The following HEMK2 variants were observed in gnomAD, a reference collection of about 807,000 sequenced individuals.
HEMK2 encodes the protein HemK methyltransferase 2, ETF1 glutamine and histone H4 lysine.
chr21:28,793,067 C>A, the HEMK2 span, among the ~76,000 whole-genome samples: 52 of 152,322 alleles, frequency 3.4e-4, no homozygotes, highest in Middle Eastern at 3.4e-3. Context: ...GTTCTCCTTG[C>A]ATTTTATTTT....
At chr21:28,879,861 A>G in the HEMK2 span, 1 of 1,539,986 alleles carries the variant, frequency 6.5e-7, no homozygotes. Context: ...ATTTTGTTGT[A>G]TGTTTTACCT....
the HEMK2 span, among the ~76,000 whole-genome samples, chr21:28,636,704 T>G: frequency 0.021 from 3,264 of 152,156 alleles, 123 homozygotes; most frequent in African/African-American, 0.072. Flanking sequence ...ATGAAGAAAA[T>G]AATCTCCTTA....
At chr21:28,603,547 A>ATGTGTGTGTGTGTG in the HEMK2 span, among the ~76,000 whole-genome samples, 3 of 80,770 alleles carry the variant, frequency 3.7e-5, no homozygotes, top group African/African-American at 1.0e-4. Flanking sequence ...CTGAGGATAT[A>ATGTGTGTGTGTGTG]TATGTGTGTG....
chr21:28,730,207 C>T, the HEMK2 span, among the ~76,000 whole-genome samples: 1 of 122,154 alleles, frequency 8.2e-6, no homozygotes, highest in African/African-American at 4.1e-5. Flanking sequence ...GTGAGACCCC[C>T]ATTGCCACAA....
At chr21:28,742,095 A>G in the HEMK2 span, among the ~76,000 whole-genome samples, 6 of 152,306 alleles carry the variant, frequency 3.9e-5, no homozygotes, top group Non-Finnish European at 4.4e-5. Context: ...TTGTTGGAAC[A>G]CAGCCATGCC....
the HEMK2 span, among the ~76,000 whole-genome samples, chr21:28,605,517 C>CT: frequency 9.6e-4 from 146 of 151,464 alleles, no homozygotes; most frequent in African/African-American, 2.8e-3. Context: ...CAAGTTGTGA[C>CT]TTTTTTTTTA....
chr21:28,615,881 T>C, the HEMK2 span, among the ~76,000 whole-genome samples: 1 of 152,148 alleles, frequency 6.6e-6, no homozygotes, highest in Non-Finnish European at 1.5e-5. Context: ...ATCTCCAGAG[T>C]GGGGTAGATA....
At chr21:28,749,611 A>C in the HEMK2 span, among the ~76,000 whole-genome samples, 1 of 152,244 alleles carries the variant, frequency 6.6e-6, no homozygotes, top group African/African-American at 2.4e-5. Flanking sequence ...GATACTGTTC[A>C]GCACTTGGTG....
At chr21:28,842,817 C>T in the HEMK2 span, among the ~76,000 whole-genome samples, 1 of 152,142 alleles carries the variant, frequency 6.6e-6, no homozygotes, top group Admixed American at 6.6e-5. Flanking sequence ...ATTTCCTCCT[C>T]TGATTGTATA....
At chr21:28,610,923 G>T in the HEMK2 span, among the ~76,000 whole-genome samples, 2 of 152,038 alleles carry the variant, frequency 1.3e-5, no homozygotes, top group Non-Finnish European at 2.9e-5. Context: ...CCTAAGAAAT[G>T]AGATAGGCAG....
chr21:28,738,824 G>C, the HEMK2 span, among the ~76,000 whole-genome samples: 1 of 152,116 alleles, frequency 6.6e-6, no homozygotes, highest in African/African-American at 2.4e-5. Flanking sequence ...TTCAACAGAG[G>C]CCAACTTCAG....
chr21:28,789,416 A>T, the HEMK2 span, among the ~76,000 whole-genome samples: 1 of 152,306 alleles, frequency 6.6e-6, no homozygotes, highest in African/African-American at 2.4e-5. Flanking sequence ...GGGGAAGAAG[A>T]CAAGATGCTT....
chr21:28,804,777 T>C, the HEMK2 span, among the ~76,000 whole-genome samples: 4 of 152,226 alleles, frequency 2.6e-5, no homozygotes, highest in Admixed American at 6.5e-5. Context: ...CCACATGGCA[T>C]GTGCACATTT....
At chr21:28,695,786 CTTA>C in the HEMK2 span, among the ~76,000 whole-genome samples, 4 of 35,326 alleles carry the variant, frequency 1.1e-4, no homozygotes, top group South Asian at 6.5e-4. Flanking sequence ...CAAAGTAAGT[CTTA>C]CTTAACTCAT....
At chr21:28,599,246 A>C in the HEMK2 span, among the ~76,000 whole-genome samples, 2 of 152,256 alleles carry the variant, frequency 1.3e-5, no homozygotes, top group Admixed American at 6.5e-5. Context: ...CATGCTGCTG[A>C]TAAAGACATC....
At chr21:28,592,352 T>C in the HEMK2 span, among the ~76,000 whole-genome samples, 1 of 152,212 alleles carries the variant, frequency 6.6e-6, no homozygotes, top group African/African-American at 2.4e-5. Flanking sequence ...GTGCAGTCAT[T>C]GACCAATGGA....
chr21:28,880,092 A>G, the HEMK2 span: 1 of 481,502 alleles, frequency 2.1e-6, no homozygotes, highest in East Asian at 3.4e-5. Flanking sequence ...GAAATGAAGT[A>G]TTTTTATGTT....
At chr21:28,690,747 G>A in the HEMK2 span, among the ~76,000 whole-genome samples, 5 of 152,130 alleles carry the variant, frequency 3.3e-5, no homozygotes, top group African/African-American at 1.2e-4. Context: ...TCATCAAAAT[G>A]ATAAGCCCCA....
chr21:28,878,468 T>C, the HEMK2 span: 1 of 876,040 alleles, frequency 1.1e-6, no homozygotes, highest in Non-Finnish European at 1.8e-6. Context: ...GCAGTCAAGT[T>C]GAATCTAAGT....
Sources: allele counts gnomAD v4.1 joint callset (sites outside exome capture counted in the v4.1 genomes callset), GRCh38; gene constraint gnomAD v4.1.1; transcripts MANE v1.5; gene names NCBI Gene and HGNC (gene_info 2026-07-23, HGNC 2026-07-21).